Variants in ABCD4 observed in about 807,000 individuals in gnomAD.
The protein encoded by ABCD4 is ATP binding cassette subfamily D member 4, also known as lysosomal cobalamin transporter ABCD4.
A neutral mutation model predicts 86.3 loss-of-function variants in ABCD4; 53 were observed. That is an observed-to-expected ratio of 0.61 (90% CI 0.49 to 0.77). ABCD4 has a LOEUF of 0.77. Among genes scored for constraint, ABCD4 ranks in the 30% least tolerant of loss-of-function variants. The pLI, the probability that ABCD4 is intolerant of heterozygous loss-of-function variation, is 0.00. For missense variants in ABCD4, 757 were observed against 764.5 expected (o/e 0.99, Z 0.12); for synonymous variants, 328 against 313.6 (o/e 1.05, Z -0.49).
In ABCD4 at chr14:74,292,655, G is replaced by A; in HGVS notation, c.937-13C>T. On this transcript the variant is annotated splice_polypyrimidine_tract_variant and intron_variant, in intron 9 of 18. Coordinates refer to ENST00000356924, the MANE Select transcript of ABCD4 (RefSeq NM_005050.4). ...ACACAAAGGCATTCTGGACAGGATGGGAAGAGGTCAAGCAGGTCTCGACTC... is the reference window on the plus strand; with the variant it reads ...ACACAAAGGCATTCTGGACAGGATGAGAAGAGGTCAAGCAGGTCTCGACTC... 6.2e-7 allele frequency: 1 copy of A among 1,614,082 alleles called. No individual in the cohort carries two copies. Among genetic ancestry groups the A allele is most frequent in the South Asian group, 1.1e-5 (1 of 91,046 alleles).
At chr14:74,302,702 G>A (rs1295519039) in intron 1 of ABCD4, among the ~76,000 whole-genome samples, 173 bp downstream of exon 1, 1 of 152,262 alleles carries the variant, frequency 6.6e-6, no homozygotes, top group Non-Finnish European at 1.5e-5. Context: ...GTGCGGAGCG[G>A]CCTAGAGCGG....
In ABCD4 at chr14:74,299,700, A is replaced by C. The variant is rs1020358033; in HGVS notation, c.158-25T>G. On this transcript the variant is annotated intron_variant, in intron 2 of 18. Transcript: ENST00000356924. ...TCTGAAAGGAGGGAGAGGAGTAAGA[A>C]ATCAGTGATGAGGGGTTAAAAAGAA... is the stretch of plus-strand genomic sequence containing the variant. 1.9e-6 allele frequency: 3 copies of C among 1,601,452 alleles called. No individual in the cohort carries two copies. The African/African-American group carries it at 4.0e-5, about 21-fold the overall frequency.
rs773580031 is a variant in ABCD4, at chr14:74,290,469, T to C, written c.1149A>G (p.Ala383=). 6.2e-7 allele frequency: 1 copy of C among 1,613,876 alleles called. No individual in the cohort carries two copies. The highest frequency in any genetic ancestry group is 1.1e-5 in the South Asian group (1 of 91,078). Residue 383 remains alanine (A), a synonymous_variant, in exon 12 of 19, where the codon GCA becomes GCG. Coordinates refer to ENST00000356924, the MANE Select transcript of ABCD4 (RefSeq NM_005050.4). ...CCCGCTCAAGGAGAAATGCTGTGTCTGCTGGCTCTGCCGCTGGCCACCCTG... is the reference window on the plus strand; with the variant it reads ...CCCGCTCAAGGAGAAATGCTGTGTCCGCTGGCTCTGCCGCTGGCCACCCTG... ...TPPGWPAAEP[A]DTAFLLERVS... is the part of the protein sequence containing the mutation.
At chr14:74,292,494 C>G in intron 10 of ABCD4, 57 bp downstream of exon 10, 1 of 1,601,568 alleles carries the variant, frequency 6.2e-7, no homozygotes, top group Non-Finnish European at 8.5e-7. Context: ...CACTCAGCCA[C>G]TTCTGCCAGC....
Position 74,292,820 on chromosome 14 carries a change from G to A in ABCD4, c.864C>T (p.Val288=). Residue 288 remains valine, a synonymous_variant, in exon 9 of 19, where the codon GTC becomes GTT. Coordinates refer to ENST00000356924, the MANE Select transcript of ABCD4 (RefSeq NM_005050.4). ...DYLGSILSYV[V]IAIPIFSGVY... is the part of the protein sequence containing the mutation. Reference sequence around the variant, plus strand: ...CCCCGCTGAAAATGGGGATTGCGATGACAACGTAACTCAGGATGCTGCCCA... The same window carrying A: ...CCCCGCTGAAAATGGGGATTGCGATAACAACGTAACTCAGGATGCTGCCCA... 7 of 1,614,184 alleles carry A rather than the reference G, an allele frequency of 4.3e-6. No individual in the cohort carries two copies. Among genetic ancestry groups the A allele is most frequent in the Non-Finnish European group, 5.9e-6 (7 of 1,180,046 alleles).
At chr14:74,302,766 G>A in intron 1 of ABCD4, 109 bp downstream of exon 1, 1 of 1,240,002 alleles carries the variant, frequency 8.1e-7, no homozygotes, top group Non-Finnish European at 1.1e-6. Context: ...AGTCACGGGG[G>A]CGAGACGGGG....
chr14:74,297,808 G>A, intron 4 of ABCD4, 122 bp downstream of exon 4: 1 of 1,451,162 alleles, frequency 6.9e-7, no homozygotes, highest in Admixed American at 2.9e-5. Context: ...ATGACTCTGG[G>A]CAGCAGCATT....
chr14:74,299,581 G>A lies in ABCD4; in HGVS notation c.252C>T (p.Phe84=). Residue 84 remains phenylalanine (F), a synonymous_variant, in exon 3 of 19, where the codon TTC becomes TTT. Coordinates refer to ENST00000356924, the MANE Select transcript of ABCD4 (RefSeq NM_005050.4). ...KDLEGFKTLT[F]LAVMLIVLNS... Reference sequence around the variant, plus strand: ...TCAGAACAATGAGCATGACAGCCAGGAATGTCAGAGTCTTAAACCCTTCCA... The same window carrying A: ...TCAGAACAATGAGCATGACAGCCAGAAATGTCAGAGTCTTAAACCCTTCCA... 6.2e-7 allele frequency: 1 copy of A among 1,613,960 alleles called. No individual in the cohort carries two copies. The highest frequency in any genetic ancestry group is 8.5e-7 in the Non-Finnish European group (1 of 1,179,882).
In ABCD4 at chr14:74,300,272, A is replaced by G. The variant is rs765109626; in HGVS notation, c.39-4T>C. ...AAATTGCAGATCTAACCTGGGCCTG[A>G]AGAGAAGGTGGGGAGGCAGAGAAAA... is the stretch of plus-strand genomic sequence containing the variant. On this transcript the variant is annotated splice_polypyrimidine_tract_variant and splice_region_variant and intron_variant, in intron 1 of 18. Transcript: ENST00000356924. 1.9e-6 allele frequency: 3 copies of G among 1,598,746 alleles called. No homozygotes were observed. The highest frequency in any genetic ancestry group is 2.6e-6 in the Non-Finnish European group (3 of 1,166,478).
At position 74,295,957 on chromosome 14, in the gene ABCD4, T is replaced by C. The variant is rs183607306; in HGVS notation, c.565A>G (p.Ser189Gly). Residue 189 changes from serine (S) to glycine (G), a missense_variant, in exon 6 of 19, where the codon AGC becomes GGC. Physicochemically the swap from Ser to Gly is moderately conservative, Grantham distance 56. Coordinates refer to ENST00000356924, the MANE Select transcript of ABCD4 (RefSeq NM_005050.4). ...FQSTGWLGPV[S>G]IFGYFILGTV... ...CCCAGGATGAAATACCCGAAGATGC[T>C]CACAGGCCCGAGCCAGCCTGTGCTG... The C allele has an allele frequency of 1.8e-4, 283 of 1,611,310 alleles. No individual in the cohort carries two copies. Among genetic ancestry groups the C allele is most frequent in the Non-Finnish European group, 2.1e-4 (253 of 1,179,342 alleles).
chr14:74,292,681 G>A (rs747311081), intron 9 of ABCD4, 39 bp from the exon 10 acceptor site: 116 of 1,613,688 alleles, frequency 7.2e-5, no homozygotes, highest in Admixed American at 4.8e-4. Context: ...GTCTCGACTC[G>A]AGCCCACAGA....
chr14:74,296,365 G>C lies in ABCD4; in HGVS notation c.510C>G (p.Thr170=). The change falls in exon 5 of 19, where the codon ACC becomes ACG. Residue 170 remains threonine, a synonymous_variant. Coordinates refer to ENST00000356924, the MANE Select transcript of ABCD4 (RefSeq NM_005050.4). The part of the protein sequence containing the change: ...MASKLIISPF[T]LVYYTYQCFQ... ...AGCACTGGTAAGTGTAGTAGACGAG[G>C]GTGAACGGGGAGATGATGAGCTTGC... The C allele has an allele frequency of 6.2e-7, 1 of 1,614,190 alleles. No individual in the cohort carries two copies. Among genetic ancestry groups the C allele is most frequent in the Non-Finnish European group, 8.5e-7 (1 of 1,180,034 alleles).
intron 11 of ABCD4, 105 bp downstream of exon 11, chr14:74,292,182 C>T: frequency 9.4e-7 from 1 of 1,061,814 alleles, no homozygotes; most frequent in East Asian, 2.4e-5. Flanking sequence ...TTACTCCTTA[C>T]AACTCTGCTG....
intron 3 of ABCD4, among the ~76,000 whole-genome samples, chr14:74,298,312 C>A (rs2083412585): frequency 6.6e-6 from 1 of 152,140 alleles, no homozygotes; most frequent in Admixed American, 6.5e-5. Flanking sequence ...ACTCTTGTTG[C>A]CCAGGCTGGA....
chr14:74,295,668 G>T, intron 6 of ABCD4, 186 bp downstream of exon 6: 1 of 707,530 alleles, frequency 1.4e-6, no homozygotes, highest in Non-Finnish European at 2.3e-6. Flanking sequence ...AATCCTCTCA[G>T]TAGGCAACGG....
At position 74,302,886 on chromosome 14, in the gene ABCD4, T is replaced by C. The variant is rs2140173677; in HGVS notation, c.27A>G (p.Gly9=). The C allele has an allele frequency of 6.2e-7, 1 of 1,604,622 alleles. No individual in the cohort carries two copies. The highest frequency in any genetic ancestry group is 8.5e-7 in the Non-Finnish European group (1 of 1,175,706). The change falls in exon 1 of 19, where the codon GGA becomes GGG. Residue 9 remains glycine (G), a synonymous_variant. Coordinates refer to ENST00000356924, the MANE Select transcript of ABCD4 (RefSeq NM_005050.4). ...ACCGCCCTGCTTACCTGGCGCCAGC[T>C]CCGGGCGCGGGCCCCGCGACCGCCA... is the stretch of plus-strand genomic sequence containing the variant. MAVAGPAP[G]AGARPRLDLQ...
At chr14:74,293,836 C>T (rs969856271) in intron 7 of ABCD4, 1 of 152,188 alleles carries the variant, frequency 6.6e-6, no homozygotes, top group African/African-American at 2.4e-5. Context: ...AGGGCCATGG[C>T]AGCAGATAGG....
In ABCD4 at chr14:74,292,379, GAAC is replaced by G; in HGVS notation, c.1029-6_1029-4del. 1 of 1,614,060 alleles carries G rather than the reference GAAC, an allele frequency of 6.2e-7. No homozygotes were observed. Among genetic ancestry groups the G allele is most frequent in the Non-Finnish European group, 8.5e-7 (1 of 1,180,026 alleles). ...GCGTCTCCCGAAGCTGCCCAATTCT[GAAC>G]AAGAAAAGAAAATCTGAGGCAGGGT... On this transcript the variant is annotated splice_region_variant and splice_polypyrimidine_tract_variant and intron_variant, in intron 10 of 18. Coordinates refer to ENST00000356924, the MANE Select transcript of ABCD4 (RefSeq NM_005050.4).
intron 11 of ABCD4, 23 bp downstream of exon 11, chr14:74,292,264 T>C: frequency 6.2e-7 from 1 of 1,612,522 alleles, no homozygotes; most frequent in Non-Finnish European, 8.5e-7. Flanking sequence ...CCTCAACTAC[T>C]GCTCTGCCAG....
Sources: gnomAD v4.1 joint callset for allele counts (sites outside exome capture counted in the v4.1 genomes callset) on GRCh38, gnomAD v4.1.1 for gene constraint, MANE v1.5 for transcripts, NCBI Gene and HGNC (gene_info 2026-07-23, HGNC 2026-07-21) for gene names.